The following INTS8 variants were observed in gnomAD, a reference collection of about 807,000 sequenced individuals.
INTS8 encodes protein kaonashi-1.
In INTS8, 47 loss-of-function variants were observed where a neutral mutation model predicts 138.9. That is an observed-to-expected ratio of 0.34 (90% CI 0.27 to 0.43). INTS8 has a LOEUF of 0.43. Among genes scored for constraint, INTS8 ranks in the 20% least tolerant of loss-of-function variants. INTS8 has a pLI of 1.00. For missense variants in INTS8, 996 were observed against 1,173.0 expected (o/e 0.85, Z 2.20); for synonymous variants, 392 against 400.9 (o/e 0.98, Z 0.27).
At position 94,823,454 on chromosome 8, in the gene INTS8, G is replaced by A; in HGVS notation, c.23G>A (p.Arg8Gln). The change falls in exon 1 of 27, where the codon CGG becomes CAG. Residue 8 changes from arginine (R) to glutamine (Q), a missense_variant. Physicochemically the swap from Arg to Gln is conservative, Grantham distance 43. Coordinates refer to ENST00000523731, the MANE Select transcript of INTS8 (RefSeq NM_017864.4). MSAEAAD[R>Q]EAATSSRPCT... The stretch of plus-strand genomic sequence containing the variant: ...AGGATGAGCGCGGAGGCGGCGGACC[G>A]GGAGGCGGCCACCTCCAGCCGGCCC... 6.5e-7 allele frequency: 1 copy of A among 1,541,396 alleles called. No individual in the cohort carries two copies.
At chr8:94,851,922 G>T (rs1815560682) in intron 13 of INTS8, among the ~76,000 whole-genome samples, 1 of 152,140 alleles carries the variant, frequency 6.6e-6, no homozygotes, top group African/African-American at 2.4e-5. Context: ...TCCATTTGTT[G>T]ACAAAATATA....
Position 94,838,548 on chromosome 8 carries a change from C to T in INTS8, c.947C>T (p.Ser316Phe), listed in dbSNP as rs1815018517. The T allele has an allele frequency of 1.9e-6, 3 of 1,610,962 alleles. No individual in the cohort carries two copies. The South Asian group carries it at 3.3e-5, about 18-fold the overall frequency. The change falls in exon 8 of 27, where the codon TCT becomes TTT. Residue 316 changes from serine (S) to phenylalanine (F), a missense_variant. Ser to Phe is a radical substitution (Grantham distance 155, BLOSUM62 -2). Transcript: ENST00000523731. ...CQACDVLVPS[S>F]DSTSQQLTPY... ...GCATGTGATGTTCTTGTACCTTCTT[C>T]TGATAGTACATCTCAACAGTTGACT...
Position 94,823,449 on chromosome 8 carries a change from G to C in INTS8, c.18G>C (p.Ala6=), listed in dbSNP as rs898153343. ...GGGGCAGGATGAGCGCGGAGGCGGC[G>C]GACCGGGAGGCGGCCACCTCCAGCC... is the stretch of plus-strand genomic sequence containing the variant. MSAEA[A]DREAATSSRP... is the part of the protein sequence containing the mutation. Residue 6 remains alanine, a synonymous_variant, in exon 1 of 27, where the codon GCG becomes GCC. Coordinates refer to ENST00000523731, the MANE Select transcript of INTS8 (RefSeq NM_017864.4). 7.8e-6 allele frequency: 12 copies of C among 1,538,180 alleles called. No individual in the cohort carries two copies. Among genetic ancestry groups the C allele is most frequent in the African/African-American group, 2.8e-5 (2 of 72,684 alleles).
chr8:94,853,621 G>A (rs1425445334), intron 13 of INTS8, among the ~76,000 whole-genome samples, 184 bp from the exon 14 acceptor site: 1 of 152,016 alleles, frequency 6.6e-6, no homozygotes, highest in African/African-American at 2.4e-5. Flanking sequence ...TTTATTACTT[G>A]TTGATTGTAG....
chr8:94,858,001 G>T (rs1815816960), intron 15 of INTS8, among the ~76,000 whole-genome samples: 1 of 152,136 alleles, frequency 6.6e-6, no homozygotes, highest in South Asian at 2.1e-4. Flanking sequence ...ATTGCCAGTG[G>T]GCTAGAAATT....
At chr8:94,851,837 C>A in intron 13 of INTS8, 151 bp downstream of exon 13, 2 of 506,322 alleles carry the variant, frequency 4.0e-6, no homozygotes, top group South Asian at 8.2e-5. Context: ...TTTTTAACAT[C>A]CATTGACAGA....
chr8:94,869,332 T>G (rs570948025), intron 20 of INTS8, among the ~76,000 whole-genome samples: 40 of 152,118 alleles, frequency 2.6e-4, no homozygotes, highest in African/African-American at 9.2e-4. Context: ...TTTTGTTTTT[T>G]GGGGGTTTTT....
Position 94,827,288 on chromosome 8 carries a change from C to T in INTS8, c.331C>T (p.Leu111=), listed in dbSNP as rs1326410892. 9 of 1,613,108 alleles carry T rather than the reference C, an allele frequency of 5.6e-6. No individual in the cohort carries two copies. Among genetic ancestry groups the T allele is most frequent in the African/African-American group, 1.3e-5 (1 of 74,888 alleles). The stretch of plus-strand genomic sequence containing the variant: ...TTTGTCTGTTCCAGTATTGAATATG[C>T]TACTAAATGAACTACTCTGCATCAG... ...KSLSVPVLNM[L]LNELLCISKV... is the part of the protein sequence containing the mutation. Residue 111 remains leucine (L), a synonymous_variant, in exon 3 of 27, where the codon CTA becomes TTA. Coordinates refer to ENST00000523731, the MANE Select transcript of INTS8 (RefSeq NM_017864.4).
chr8:94,831,617 G>A (rs1814719168), intron 5 of INTS8, among the ~76,000 whole-genome samples: 1 of 151,952 alleles, frequency 6.6e-6, no homozygotes, highest in African/African-American at 2.4e-5. Context: ...GAGTAGCTGG[G>A]ATTACAGGCG....
chr8:94,880,137 CAG>C lies in INTS8; in HGVS notation c.2894_2895del (p.Glu965ValfsTer34). On this transcript the variant is annotated frameshift_variant, in exon 27 of 27. Transcript: ENST00000523731. LOFTEE classifies it high-confidence loss of function. ...TGGAAGATCAAAGCCATCGGCCAGA[CAG>C]AGTTGAATGCAAGCAATCCAGAAGA... 1 of 1,608,952 alleles carries C rather than the reference CAG, an allele frequency of 6.2e-7. No individual in the cohort carries two copies. The highest frequency in any genetic ancestry group is 8.5e-7 in the Non-Finnish European group (1 of 1,178,472).
At chr8:94,860,882 C>T (rs190111360) in intron 16 of INTS8, among the ~76,000 whole-genome samples, 365 of 151,638 alleles carry the variant, frequency 2.4e-3, no homozygotes, top group African/African-American at 5.0e-3. Context: ...GGTGAAACCC[C>T]GTCCTTACTA....
chr8:94,868,827 C>A (rs1049076144), intron 20 of INTS8: 1 of 151,918 alleles, frequency 6.6e-6, no homozygotes, highest in Non-Finnish European at 1.5e-5. Context: ...CATGCCACCA[C>A]CCCCAGCTAT....
At chr8:94,857,352 A>G (rs10106630) in intron 15 of INTS8, among the ~76,000 whole-genome samples, 2,625 of 152,178 alleles carry the variant, frequency 0.017, 66 homozygotes, top group African/African-American at 0.06. Flanking sequence ...GATTAGAGGC[A>G]TGAGCCACCA....
At chr8:94,871,000 T>A (rs1002403024) in intron 20 of INTS8, among the ~76,000 whole-genome samples, 1 of 152,134 alleles carries the variant, frequency 6.6e-6, no homozygotes, top group Non-Finnish European at 1.5e-5. Flanking sequence ...CCAGATGCAC[T>A]GATATGATAT....
intron 21 of INTS8, among the ~76,000 whole-genome samples, chr8:94,872,918 C>T (rs1816447811): frequency 6.6e-6 from 1 of 152,076 alleles, no homozygotes; most frequent in Admixed American, 6.6e-5. Context: ...GTGGGTCTAC[C>T]ACCCAGCTAC....
rs772862347 is a variant in INTS8, at chr8:94,836,623, A to G, written c.853A>G (p.Ile285Val). 1.3e-6 allele frequency: 2 copies of G among 1,586,886 alleles called. No homozygotes were observed. Among genetic ancestry groups the G allele is most frequent in the Non-Finnish European group, 1.7e-6 (2 of 1,155,378 alleles). The stretch of plus-strand genomic sequence containing the variant: ...AAAATTTTTTAGAACCAAAGAACTA[A>G]TTGCAGAGGTAAATCCAGTCATAAT... ...REKFFRTKEL[I>V]AEIGSLSLHC... The change falls in exon 7 of 27, where the codon ATT (isoleucine) becomes GTT (valine). Residue 285 changes from isoleucine (I) to valine (V), a missense_variant. By Grantham distance (29) the Ile-to-Val change is conservative. Transcript: ENST00000523731.
At position 94,825,057 on chromosome 8, in the gene INTS8, T is replaced by C. The variant is rs111939293; in HGVS notation, c.295T>C (p.Leu99=). The C allele has an allele frequency of 3.0e-5, 48 of 1,600,854 alleles. No individual in the cohort carries two copies. In the African/African-American group the frequency reaches 5.0e-4, roughly 17 times the overall value. The change falls in exon 2 of 27, where the codon TTA becomes CTA. Residue 99 remains leucine, a synonymous_variant. Coordinates refer to ENST00000523731, the MANE Select transcript of INTS8 (RefSeq NM_017864.4). ...AAHLKWDLDI[L]EKSLSVPVLN... is the part of the protein sequence containing the mutation. ...ACATTTGAAGTGGGACTTAGACATA[T>C]TAGAGAAAAGGTATCCAAGATTTCA...
chr8:94,873,608 AT>A (rs1346130219), intron 22 of INTS8, 131 bp downstream of exon 22: 3 of 661,078 alleles, frequency 4.5e-6, no homozygotes, highest in Non-Finnish European at 8.3e-6. Context: ...TCTAGAACAC[AT>A]TGCTCTGTGT....
chr8:94,877,106 T>G (rs2131080515), intron 26 of INTS8, among the ~76,000 whole-genome samples: 1 of 152,348 alleles, frequency 6.6e-6, no homozygotes, highest in East Asian at 1.9e-4. Flanking sequence ...GGACTTGTTT[T>G]GTCATAGTTG....
Sources: allele counts gnomAD v4.1 joint callset (sites outside exome capture counted in the v4.1 genomes callset), GRCh38; gene constraint gnomAD v4.1.1; transcripts MANE v1.5; gene names NCBI Gene and HGNC (gene_info 2026-07-23, HGNC 2026-07-21).